RBM20: variants seen among roughly 807,000 people sequenced by gnomAD.
The protein encoded by RBM20 is RNA-binding protein 20.
RBM20 carries 51 observed loss-of-function variants against 110.1 expected under a neutral mutation model. The ratio of observed to expected loss-of-function variants is 0.46; its 90% confidence interval spans 0.37 to 0.59. The LOEUF (loss-of-function observed/expected upper bound fraction) is 0.59. Among genes scored for constraint, RBM20 ranks in the 20% least tolerant of loss-of-function variants. RBM20 has a pLI of 0.00. For synonymous variants in RBM20, 589 were observed against 618.2 expected (o/e 0.95, Z 0.70); for missense variants, 1,512 against 1,574.9 (o/e 0.96, Z 0.68).
At chr10:110,689,007 G>A (rs1400996647) in intron 1 of RBM20, among the ~76,000 whole-genome samples, 8 of 149,296 alleles carry the variant, frequency 5.4e-5, no homozygotes, top group Admixed American at 5.3e-4. Flanking sequence ...TTTTTTGTTT[G>A]TTTGCATGTA....
rs1036736581 is a variant in RBM20, at chr10:110,812,481, A to G, written c.2084A>G (p.Asp695Gly). Residue 695 changes from aspartate (D) to glycine (G), a missense_variant, in exon 9 of 14, where the codon GAC (aspartate) becomes GGC (glycine). By Grantham distance (94) the Asp-to-Gly change is moderately conservative. Coordinates refer to ENST00000369519, the MANE Select transcript of RBM20 (RefSeq NM_001134363.3). ...GAGCGAGACCCGGCTCCCTGGAGGG[A>G]CAACGGAGATGACAAGAGGGACAGG... ...EEERDPAPWR[D>G]NGDDKRDRMD... is the part of the protein sequence containing the mutation. 1 of 1,551,668 alleles carries G rather than the reference A, an allele frequency of 6.4e-7. No homozygotes were observed.
At chr10:110,702,559 G>A (rs1365042447) in intron 1 of RBM20, among the ~76,000 whole-genome samples, 1 of 152,236 alleles carries the variant, frequency 6.6e-6, no homozygotes, top group East Asian at 1.9e-4. Flanking sequence ...AAATGAAGTT[G>A]AAAGCATGTG....
At chr10:110,699,160 G>T (rs1373210296) in intron 1 of RBM20, among the ~76,000 whole-genome samples, 1 of 151,512 alleles carries the variant, frequency 6.6e-6, no homozygotes, top group Non-Finnish European at 1.5e-5. Context: ...AACCTTTCCA[G>T]ACCCACGTGA....
intron 5 of RBM20, among the ~76,000 whole-genome samples, chr10:110,791,240 T>A (rs1844479356): frequency 6.6e-6 from 1 of 152,230 alleles, no homozygotes; most frequent in Non-Finnish European, 1.5e-5. Context: ...AGATAAATAT[T>A]TGCCATATCT....
chr10:110,796,570 C>T (rs1183208549), intron 5 of RBM20, among the ~76,000 whole-genome samples: 3 of 152,100 alleles, frequency 2.0e-5, no homozygotes, highest in Non-Finnish European at 4.4e-5. Context: ...ACAGCAAGAC[C>T]CTGTTTATAC....
At chr10:110,671,872 T>C (rs1402422849) in intron 1 of RBM20, among the ~76,000 whole-genome samples, 1 of 152,178 alleles carries the variant, frequency 6.6e-6, no homozygotes. Context: ...GGTGTGATTA[T>C]TGATATTATG....
intron 1 of RBM20, among the ~76,000 whole-genome samples, chr10:110,713,160 C>T (rs17127853): frequency 0.034 from 5,230 of 152,220 alleles, 128 homozygotes; most frequent in Middle Eastern, 0.082. Context: ...GCTTGACTAA[C>T]GGGGCAGATG....
chr10:110,796,569 C>A (rs900120715), intron 5 of RBM20, among the ~76,000 whole-genome samples: 4 of 152,240 alleles, frequency 2.6e-5, no homozygotes, highest in African/African-American at 9.6e-5. Context: ...TACAGCAAGA[C>A]CCTGTTTATA....
intron 10 of RBM20, 32 bp downstream of exon 10, chr10:110,820,208 C>T (rs754443470): frequency 1.4e-6 from 2 of 1,449,120 alleles, no homozygotes; most frequent in East Asian, 4.9e-5. Context: ...GCACTTCTGC[C>T]ATGAGGGACT....
intron 12 of RBM20, among the ~76,000 whole-genome samples, chr10:110,829,827 C>A (rs1845026659): frequency 6.6e-6 from 1 of 152,150 alleles, no homozygotes; most frequent in Admixed American, 6.5e-5. Context: ...TGTTCCCCTG[C>A]CTGTGCCATT....
Position 110,831,162 on chromosome 10 carries a change from G to C in RBM20, c.3553G>C (p.Val1185Leu). ...TAKMSHCRSA[V>L]HYRNLQKYLS... is the part of the protein sequence containing the mutation. ...AAAGATGAGCCACTGCCGCAGCGCT[G>C]TCCACTACAGGAACTTACAGGTAAA... Residue 1185 changes from valine to leucine, a missense_variant, in exon 13 of 14, where the codon GTC becomes CTC. Physicochemically the swap from Val to Leu is conservative, Grantham distance 32. This residue lies in a region of RBM20 where 358 missense variants were observed against 384.2 expected (regional missense o/e 0.93). Coordinates refer to ENST00000369519, the MANE Select transcript of RBM20 (RefSeq NM_001134363.3). 1 of 1,551,584 alleles carries C rather than the reference G, an allele frequency of 6.4e-7. No homozygotes were observed. Among genetic ancestry groups the C allele is most frequent in the East Asian group, 2.4e-5 (1 of 40,924 alleles).
intron 1 of RBM20, among the ~76,000 whole-genome samples, chr10:110,765,342 C>T (rs750638686): frequency 1.3e-5 from 2 of 151,764 alleles, no homozygotes; most frequent in African/African-American, 2.4e-5. Flanking sequence ...AGTGTTGACT[C>T]ATTCTGGACC....
At chr10:110,777,838 T>G (rs946549904) in intron 1 of RBM20, among the ~76,000 whole-genome samples, 1 of 152,224 alleles carries the variant, frequency 6.6e-6, no homozygotes, top group African/African-American at 2.4e-5. Flanking sequence ...CTTACTCTGG[T>G]CATGGAAACC....
Position 110,812,460 on chromosome 10 carries a change from G to A in RBM20, c.2063G>A (p.Arg688Gln), listed in dbSNP as rs776778214. 15 of 1,551,604 alleles carry A rather than the reference G, an allele frequency of 9.7e-6. No homozygotes were observed. Among genetic ancestry groups the A allele is most frequent in the African/African-American group, 6.8e-5 (5 of 73,040 alleles). Residue 688 changes from arginine to glutamine, a missense_variant, in exon 9 of 14, where the codon CGA (arginine) becomes CAA (glutamine). Physicochemically the swap from Arg to Gln is conservative, Grantham distance 43. This residue lies in a region of RBM20 where 1,149 missense variants were observed against 1,169.4 expected (regional missense o/e 0.98). Coordinates refer to ENST00000369519, the MANE Select transcript of RBM20 (RefSeq NM_001134363.3). ...HSPYARREEE[R>Q]DPAPWRDNGD... ...CCCTATGCCAGGAGGGAGGAAGAGC[G>A]AGACCCGGCTCCCTGGAGGGACAAC...
chr10:110,807,855 T>C (rs181722363), intron 7 of RBM20, among the ~76,000 whole-genome samples: 1 of 152,312 alleles, frequency 6.6e-6, no homozygotes, highest in Non-Finnish European at 1.5e-5. Flanking sequence ...TTTATGCCAG[T>C]CTGGGGGCAC....
At chr10:110,749,769 T>C (rs759603893) in intron 1 of RBM20, among the ~76,000 whole-genome samples, 10 of 152,046 alleles carry the variant, frequency 6.6e-5, no homozygotes, top group Non-Finnish European at 1.3e-4. Flanking sequence ...GAGCACATCA[T>C]TGACTTATCT....
chr10:110,654,488 T>C (rs1034900439), intron 1 of RBM20, among the ~76,000 whole-genome samples: 5 of 152,244 alleles, frequency 3.3e-5, no homozygotes, highest in Non-Finnish European at 7.3e-5. Context: ...TCAGATTTTT[T>C]TGGGTATCCT....
intron 1 of RBM20, among the ~76,000 whole-genome samples, chr10:110,685,848 A>C (rs1022361572): frequency 5.9e-5 from 9 of 152,208 alleles, no homozygotes; most frequent in Non-Finnish European, 1.0e-4. Flanking sequence ...AACACACTGA[A>C]AATTGCATTT....
In RBM20 at chr10:110,828,659, C is replaced by T. The variant is rs1276835474; in HGVS notation, c.3452-2402C>T. Among the ~76,000 whole-genome samples the T allele has an allele frequency of 6.7e-4, 94 of 141,196 alleles. 1 individual carries two copies. Among genetic ancestry groups the T allele is most frequent in the Non-Finnish European group, 2.5e-4 (15 of 61,138 alleles). 92.6% of individuals were successfully genotyped at this position (141,196 alleles called of 152,430 possible). A position where few individuals can be genotyped will look rare whatever the true frequency, so the allele number is the denominator to read the frequency against. On this transcript the variant is annotated intron_variant, in intron 12 of 13. Transcript: ENST00000369519. ...TGATAGGTGATTCCCCTAAACATCA[C>T]TTACAGCACTATTATTCCTATTTCA...
Sources: allele counts gnomAD v4.1 joint callset (sites outside exome capture counted in the v4.1 genomes callset), GRCh38; gene constraint gnomAD v4.1.1; regional missense constraint gnomAD v4.1.1; transcripts MANE v1.5; gene names NCBI Gene and HGNC (gene_info 2026-07-23, HGNC 2026-07-21).